Variants in C8orf34 observed in about 807,000 individuals in gnomAD.
C8orf34 encodes the protein uncharacterized protein C8orf34.
A neutral mutation model predicts 68.3 loss-of-function variants in C8orf34; 65 were observed. The ratio of observed to expected loss-of-function variants is 0.95; its 90% CI spans 0.78 to 1.17. C8orf34 has a LOEUF of 1.17. C8orf34 is among the 50% of genes most tolerant of loss of function. The pLI is 0.00. For synonymous variants in C8orf34, 244 were observed against 241.2 expected (o/e 1.01, Z -0.11); for missense variants, 664 against 655.4 (o/e 1.01, Z -0.14).
chr8:68,406,447 C>T (rs559563747), intron 1 of C8orf34, among the ~76,000 whole-genome samples: 31 of 151,712 alleles, frequency 2.0e-4, no homozygotes, highest in Non-Finnish European at 3.7e-4. Flanking sequence ...CACCCTGGAC[C>T]GGTAGTTTCT....
At chr8:68,409,689 G>T (rs1809360856) in intron 1 of C8orf34, among the ~76,000 whole-genome samples, 1 of 152,128 alleles carries the variant, frequency 6.6e-6, no homozygotes, top group Admixed American at 6.6e-5. Flanking sequence ...AATGTACAGT[G>T]TTGATGAAGT....
Position 68,331,273 on chromosome 8 carries a change from G to A in C8orf34, c.261G>A (p.Met87Ile). The part of the protein sequence containing the change: ...ALSSRSHLFP[M>I]ASHPQTRIQA... ...CTTCGCGGTCCCATCTGTTCCCCATGGCGTCTCATCCGCAAACCCGGATCC... is the reference window on the plus strand; with the variant it reads ...CTTCGCGGTCCCATCTGTTCCCCATAGCGTCTCATCCGCAAACCCGGATCC... The change falls in exon 1 of 14, where the codon ATG (methionine) becomes ATA (isoleucine). Residue 87 changes from methionine to isoleucine, a missense_variant. Physicochemically the swap from Met to Ile is conservative, Grantham distance 10. Coordinates refer to ENST00000518698, the MANE Select transcript of C8orf34 (RefSeq NM_052958.4). 1 of 1,536,424 alleles carries A rather than the reference G, an allele frequency of 6.5e-7. No homozygotes were observed. Among genetic ancestry groups the A allele is most frequent in the Non-Finnish European group, 8.7e-7 (1 of 1,146,984 alleles).
At chr8:68,590,131 GGAAGGAAGGAAAAGGAAAGGAAAGGAAA>G (rs1817343147) in intron 7 of C8orf34, among the ~76,000 whole-genome samples, 1 of 145,352 alleles carries the variant, frequency 6.9e-6, no homozygotes. Context: ...GGAAGAGAAA[GGAAGGAAGGAAAAGGAAAGGAAAGGAAA>G]GAAGGAAGGA....
intron 7 of C8orf34, chr8:68,534,668 A>C: frequency 1.0e-6 from 1 of 985,380 alleles, no homozygotes; most frequent in African/African-American, 1.7e-5. Context: ...TTGCTCACGT[A>C]GGTATGGGCT....
intron 10 of C8orf34, among the ~76,000 whole-genome samples, chr8:68,774,943 C>CAAAAAAAAAAAAAAAA (rs1491565981): frequency 2.7e-5 from 1 of 36,366 alleles, no homozygotes; most frequent in Non-Finnish European, 4.9e-5. Context: ...CCTGTCTCCA[C>CAAAAAAAAAAAAAAAA]TAAAAAAAAA....
At chr8:68,439,857 C>T (rs72664947) in intron 2 of C8orf34, among the ~76,000 whole-genome samples, 1 of 152,110 alleles carries the variant, frequency 6.6e-6, no homozygotes, top group Non-Finnish European at 1.5e-5. Flanking sequence ...CAAGAATCAG[C>T]ATTTTGCATT....
intron 8 of C8orf34, among the ~76,000 whole-genome samples, chr8:68,694,437 G>GT (rs947486452): frequency 2.0e-5 from 3 of 151,962 alleles, no homozygotes; most frequent in Admixed American, 2.0e-4. Context: ...AGTTTTGTGT[G>GT]TTTTTCTATA....
chr8:68,331,328 C>A lies in C8orf34; in HGVS notation c.316C>A (p.Pro106Thr). The change falls in exon 1 of 14, where the codon CCC (proline) becomes ACC (threonine). Residue 106 changes from proline (P) to threonine (T), a missense_variant. Pro to Thr is a conservative substitution (Grantham distance 38). Coordinates refer to ENST00000518698, the MANE Select transcript of C8orf34 (RefSeq NM_052958.4). ...QAYLEKNKIG[P>T]LFEELMTKLI... ...TTACCTGGAGAAGAACAAGATCGGTCCCCTGTTTGAGGTAAGGCGCTGTGG... is the reference window on the plus strand; with the variant it reads ...TTACCTGGAGAAGAACAAGATCGGTACCCTGTTTGAGGTAAGGCGCTGTGG... 6.5e-7 allele frequency: 1 copy of A among 1,536,448 alleles called. No individual in the cohort carries two copies. The highest frequency in any genetic ancestry group is 1.2e-5 in the South Asian group (1 of 84,046).
Position 68,553,405 on chromosome 8 carries a change from A to AAAAAAC in C8orf34, c.1105+20258_1105+20263dup, listed in dbSNP as rs1563526315. Among the ~76,000 whole-genome samples, 574 of 141,078 alleles carry AAAAAAC rather than the reference A, an allele frequency of 4.1e-3. 30 individuals carry two copies. The highest frequency in any genetic ancestry group is 0.014 in the African/African-American group (500 of 35,208). 92.6% of individuals were successfully genotyped at this position (141,078 alleles called of 152,430 possible). ...ATCTCAAAAAAAAAAAAAAAAAAAA[A>AAAAAAC]AAAAACATATCCTCCACTCATTTTT... On this transcript the variant is annotated intron_variant, in intron 7 of 13. Coordinates refer to ENST00000518698, the MANE Select transcript of C8orf34 (RefSeq NM_052958.4).
chr8:68,399,550 C>A (rs1038967010), intron 1 of C8orf34, among the ~76,000 whole-genome samples: 2 of 152,100 alleles, frequency 1.3e-5, no homozygotes, highest in Non-Finnish European at 2.9e-5. Flanking sequence ...TTTCTTTATT[C>A]AGTCATCTGT....
chr8:68,426,211 A>G (rs1810207847), intron 1 of C8orf34, among the ~76,000 whole-genome samples: 1 of 152,096 alleles, frequency 6.6e-6, no homozygotes, highest in Non-Finnish European at 1.5e-5. Context: ...AGCTTTATGA[A>G]AAATCCTGTT....
At chr8:68,391,782 G>A (rs570397740) in intron 1 of C8orf34, among the ~76,000 whole-genome samples, 178 of 152,270 alleles carry the variant, frequency 1.2e-3, no homozygotes, top group African/African-American at 3.9e-3. Context: ...AGCCACCACA[G>A]CAGAGGGACC....
At chr8:68,704,772 A>G (rs1821116931) in intron 8 of C8orf34, among the ~76,000 whole-genome samples, 1 of 152,138 alleles carries the variant, frequency 6.6e-6, no homozygotes, top group African/African-American at 2.4e-5. Context: ...AGAGGTCTTG[A>G]CATTATACTC....
intron 10 of C8orf34, among the ~76,000 whole-genome samples, chr8:68,760,168 G>T (rs532384078): frequency 2.2e-3 from 332 of 152,270 alleles, no homozygotes; most frequent in African/African-American, 7.5e-3. Context: ...AGGACAGCCT[G>T]CGGAGGCCAC....
intron 13 of C8orf34, among the ~76,000 whole-genome samples, chr8:68,816,370 C>T (rs1045421701): frequency 2.6e-5 from 4 of 152,042 alleles, no homozygotes; most frequent in East Asian, 1.9e-4. Context: ...AGAACAATTT[C>T]GTGTCCATGA....
chr8:68,676,274 C>T (rs1427935063), intron 8 of C8orf34, among the ~76,000 whole-genome samples: 2 of 151,960 alleles, frequency 1.3e-5, no homozygotes, highest in Non-Finnish European at 2.9e-5. Context: ...GTTGAGTCTG[C>T]ACTAAGCTGT....
chr8:68,413,234 T>C (rs1449950206), intron 1 of C8orf34, among the ~76,000 whole-genome samples: 2 of 152,158 alleles, frequency 1.3e-5, no homozygotes, highest in Non-Finnish European at 2.9e-5. Flanking sequence ...AGTCCTCATC[T>C]CTCATCTACT....
intron 1 of C8orf34, among the ~76,000 whole-genome samples, chr8:68,413,201 G>A (rs983927845): frequency 3.9e-5 from 6 of 152,044 alleles, no homozygotes; most frequent in Admixed American, 1.3e-4. Flanking sequence ...ACTATTTCAC[G>A]TTTCCCTTTT....
intron 7 of C8orf34, among the ~76,000 whole-genome samples, chr8:68,536,974 T>C (rs1286087215): frequency 6.6e-6 from 1 of 152,142 alleles, no homozygotes; most frequent in Non-Finnish European, 1.5e-5. Context: ...TACCAAATTT[T>C]GTAAAATAAA....
Sources: gnomAD v4.1 joint callset for allele counts (sites outside exome capture counted in the v4.1 genomes callset) on GRCh38, gnomAD v4.1.1 for gene constraint, MANE v1.5 for transcripts, NCBI Gene and HGNC (gene_info 2026-07-23, HGNC 2026-07-21) for gene names.